Variants in ANO3 observed in about 807,000 individuals in gnomAD.
ANO3 encodes the protein anoctamin 3.
ANO3 carries 99 observed loss-of-function variants against 144.8 expected under a neutral mutation model. That is an observed-to-expected ratio of 0.68 (90% CI 0.58 to 0.81). ANO3 has a LOEUF of 0.81. ANO3 is among the 30% of genes least tolerant of loss of function. ANO3 has a pLI of 0.00. For missense variants in ANO3, 905 were observed against 1,202.2 expected (o/e 0.75, Z 3.66); for synonymous variants, 414 against 392.6 (o/e 1.05, Z -0.64).
intron 14 of ANO3, among the ~76,000 whole-genome samples, chr11:26,582,772 G>T (rs1438720762): frequency 2.0e-5 from 3 of 151,946 alleles, no homozygotes; most frequent in Non-Finnish European, 2.9e-5. Context: ...CAACTGTATG[G>T]CATGCACTCC....
At chr11:26,509,404 C>T (rs1861567150) in intron 5 of ANO3, among the ~76,000 whole-genome samples, 2 of 152,046 alleles carry the variant, frequency 1.3e-5, no homozygotes, top group African/African-American at 4.8e-5. Context: ...CAACCTCTGC[C>T]TCCCGGGCTC....
intron 13 of ANO3, among the ~76,000 whole-genome samples, chr11:26,553,627 A>G (rs1850001653): frequency 6.6e-6 from 1 of 152,148 alleles, no homozygotes; most frequent in Non-Finnish European, 1.5e-5. Context: ...TTTTTAGCAA[A>G]CAATTACTTC....
At chr11:26,537,052 A>C (rs1241046184) in intron 9 of ANO3, among the ~76,000 whole-genome samples, 8 of 149,278 alleles carry the variant, frequency 5.4e-5, no homozygotes, top group Non-Finnish European at 7.4e-5. Context: ...GGTGGGATAT[A>C]GAATTTGTCT....
At chr11:26,527,816 T>A (rs902782857) in intron 7 of ANO3, among the ~76,000 whole-genome samples, 6 of 152,140 alleles carry the variant, frequency 3.9e-5, no homozygotes, top group African/African-American at 7.2e-5. Context: ...ATCTTAAAAA[T>A]GACTCTGCAA....
chr11:26,658,846 TATA>T (rs1565172173), intron 26 of ANO3, among the ~76,000 whole-genome samples: 2 of 152,150 alleles, frequency 1.3e-5, no homozygotes, highest in South Asian at 4.1e-4. Flanking sequence ...TTGGGACACA[TATA>T]ATAAGCCCAG....
intron 1 of ANO3, among the ~76,000 whole-genome samples, chr11:26,358,433 G>C (rs996054320): frequency 6.6e-6 from 1 of 152,056 alleles, no homozygotes; most frequent in Non-Finnish European, 1.5e-5. Context: ...GCCTCCCAAC[G>C]TGCTGGGATG....
intron 9 of ANO3, among the ~76,000 whole-genome samples, chr11:26,536,791 A>T (rs984993424): frequency 6.6e-6 from 1 of 152,154 alleles, no homozygotes; most frequent in Admixed American, 6.5e-5. Context: ...AGTTTTGGAT[A>T]TGTAATTATT....
intron 1 of ANO3, among the ~76,000 whole-genome samples, chr11:26,198,250 A>G (rs1446557547): frequency 6.6e-6 from 1 of 152,176 alleles, no homozygotes; most frequent in African/African-American, 2.4e-5. Context: ...CATATTCAGG[A>G]AATGAATTAA....
Position 26,589,807 on chromosome 11 carries a change from T to C in ANO3, c.1448-8558T>C, listed in dbSNP as rs562780356. On this transcript the variant is annotated intron_variant, in intron 14 of 26. Transcript: ENST00000256737. Reference sequence around the variant, plus strand: ...CTATGCTGTAGTAAACATCCGTGCATCATTCCATGCATGGGTGCATACTTC... The same window carrying C: ...CTATGCTGTAGTAAACATCCGTGCACCATTCCATGCATGGGTGCATACTTC... 1.6e-3 allele frequency among the ~76,000 whole-genome samples: 239 copies of C among 152,366 alleles called. 1 individual carries two copies. Among genetic ancestry groups the C allele is most frequent in the African/African-American group, 5.5e-3 (228 of 41,588 alleles).
rs1369043112 is a variant in ANO3 at position 26,332,141 on chromosome 11, T to C, written c.-135T>C. ...CGGGCGCGTAGCCTGGAGAGCGAAG[T>C]GCCGGCTACAGCAGGTGTCGGATTG... On this transcript the variant is annotated 5_prime_UTR_variant, in exon 1 of 27. Transcript: ENST00000256737. 5.2e-6 allele frequency: 8 copies of C among 1,540,326 alleles called. No individual in the cohort carries two copies. The highest frequency in any genetic ancestry group is 2.2e-4 in the Middle Eastern group (1 of 4,456).
intron 1 of ANO3, among the ~76,000 whole-genome samples, chr11:26,439,113 G>T (rs1275063692): frequency 3.3e-5 from 5 of 152,142 alleles, no homozygotes; most frequent in African/African-American, 4.8e-5. Flanking sequence ...GGAACAACTG[G>T]ATATCCACAT....
chr11:26,229,175 A>G (rs893162061), intron 1 of ANO3, among the ~76,000 whole-genome samples: 2 of 152,120 alleles, frequency 1.3e-5, no homozygotes. Flanking sequence ...AGTCACTTCT[A>G]CCATCATTAA....
chr11:26,390,132 G>C (rs1456677603), intron 1 of ANO3, among the ~76,000 whole-genome samples: 1 of 152,106 alleles, frequency 6.6e-6, no homozygotes, highest in Non-Finnish European at 1.5e-5. Flanking sequence ...TTTAGAAAGT[G>C]ATTTTGTGGC....
chr11:26,639,250 A>G lies in ANO3; in HGVS notation c.2141+9A>G, dbSNP rs1190044856. On this transcript the variant is annotated intron_variant, in intron 21 of 26. Transcript: ENST00000256737. ...ATGGAACTAGGATACCCGTGAGCAC[A>G]TTATTTTCAAACTTGCCTTATGTCT... 6.2e-7 allele frequency: 1 copy of G among 1,605,790 alleles called. No homozygotes were observed. The highest frequency in any genetic ancestry group is 1.1e-5 in the South Asian group (1 of 90,844).
chr11:26,332,168 A>C lies in ANO3; in HGVS notation c.-108A>C. 6.3e-7 allele frequency: 1 copy of C among 1,599,854 alleles called. No homozygotes were observed. The highest frequency in any genetic ancestry group is 8.5e-7 in the Non-Finnish European group (1 of 1,173,390). ...CCGGCTACAGCAGGTGTCGGATTGCAGTGCGCTCGCTGAGGCTCCGGACCT... is the reference window on the plus strand; with the variant it reads ...CCGGCTACAGCAGGTGTCGGATTGCCGTGCGCTCGCTGAGGCTCCGGACCT... On this transcript the variant is annotated 5_prime_UTR_variant, in exon 1 of 27. Coordinates refer to ENST00000256737, the MANE Select transcript of ANO3 (RefSeq NM_031418.4).
chr11:26,269,602 C>T (rs1484259706), intron 1 of ANO3, among the ~76,000 whole-genome samples: 3 of 152,154 alleles, frequency 2.0e-5, no homozygotes, highest in African/African-American at 7.2e-5. Context: ...TTCATTTGGA[C>T]CTGCTGTCTT....
chr11:26,532,348 C>T (rs1471308217), intron 8 of ANO3, among the ~76,000 whole-genome samples: 1 of 152,032 alleles, frequency 6.6e-6, no homozygotes, highest in East Asian at 1.9e-4. Flanking sequence ...CAGCTTTTTG[C>T]TGCACTTTTT....
intron 1 of ANO3, among the ~76,000 whole-genome samples, chr11:26,289,696 A>C (rs1853906125): frequency 9.9e-6 from 1 of 100,910 alleles, no homozygotes; most frequent in African/African-American, 3.5e-5. Flanking sequence ...TATATTCTAT[A>C]TGTGTATATA....
At chr11:26,505,325 G>A (rs1370966027) in intron 4 of ANO3, among the ~76,000 whole-genome samples, 7 of 152,178 alleles carry the variant, frequency 4.6e-5, no homozygotes, top group African/African-American at 1.7e-4. Flanking sequence ...GTACCTGTTT[G>A]GAGAAGATAA....
Sources: allele counts gnomAD v4.1 joint callset (sites outside exome capture counted in the v4.1 genomes callset), GRCh38; gene constraint gnomAD v4.1.1; transcripts MANE v1.5; gene names NCBI Gene and HGNC (gene_info 2026-07-23, HGNC 2026-07-21).